The following AP1S3 variants were observed in gnomAD, a reference collection of about 807,000 sequenced individuals.
AP1S3 encodes the protein adaptor related protein complex 1 subunit sigma 3.
A neutral mutation model predicts 20.9 loss-of-function variants in AP1S3; 10 were observed. The observed-to-expected ratio is 0.48, with a 90% CI of 0.29 to 0.81. The LOEUF is 0.81. Among genes scored for constraint, AP1S3 ranks in the 30% least tolerant of loss-of-function variants. The probability of loss-of-function intolerance (pLI) is 0.08; values close to 1 mark genes in which losing one functional copy is unlikely to be tolerated. For synonymous variants in AP1S3, 41 were observed against 61.5 expected (o/e 0.67, Z 1.56); for missense variants, 154 against 183.8 (o/e 0.84, Z 0.94).
chr2:223,835,602 C>A (rs563791544), intron 1 of AP1S3, among the ~76,000 whole-genome samples: 1 of 152,212 alleles, frequency 6.6e-6, no homozygotes, highest in South Asian at 2.1e-4. Flanking sequence ...TTGCAGTGAG[C>A]CAAGATCATG....
At chr2:223,760,582 G>A (rs1690330612) in intron 4 of AP1S3, among the ~76,000 whole-genome samples, 1 of 152,160 alleles carries the variant, frequency 6.6e-6, no homozygotes, top group African/African-American at 2.4e-5. Flanking sequence ...GATGCTGCCC[G>A]TGGGGTCTTT....
chr2:223,794,011 A>G (rs1160044619), intron 1 of AP1S3, among the ~76,000 whole-genome samples: 5 of 152,152 alleles, frequency 3.3e-5, no homozygotes. Context: ...TGTTTTAGTA[A>G]GTTACTACAT....
intron 2 of AP1S3, among the ~76,000 whole-genome samples, chr2:223,776,687 G>A (rs1213952456): frequency 6.6e-6 from 1 of 152,058 alleles, no homozygotes; most frequent in African/African-American, 2.4e-5. Context: ...GTCTCCAAGG[G>A]CAAAATTATG....
chr2:223,774,090 G>A (rs961401372), intron 3 of AP1S3, among the ~76,000 whole-genome samples: 2 of 152,158 alleles, frequency 1.3e-5, no homozygotes, highest in African/African-American at 4.8e-5. Flanking sequence ...GTAGGCTGGA[G>A]GCAGTGGCTC....
chr2:223,763,116 G>A (rs1690398924), intron 4 of AP1S3, among the ~76,000 whole-genome samples: 1 of 152,082 alleles, frequency 6.6e-6, no homozygotes, highest in South Asian at 2.1e-4. Flanking sequence ...TCTGTATTTG[G>A]CAAGTGTTGT....
At chr2:223,777,225 G>A (rs749410524) in intron 2 of AP1S3, among the ~76,000 whole-genome samples, 3 of 152,146 alleles carry the variant, frequency 2.0e-5, no homozygotes, top group Admixed American at 2.0e-4. Context: ...GTGAAACCCC[G>A]TCTCTCTTAA....
intron 1 of AP1S3, among the ~76,000 whole-genome samples, chr2:223,787,367 C>T (rs1691101786): frequency 6.6e-6 from 1 of 152,194 alleles, no homozygotes; most frequent in African/African-American, 2.4e-5. Context: ...TTATAGACAT[C>T]TGCAACACTC....
chr2:223,765,095 T>C lies in AP1S3; in HGVS notation c.429+118A>G, dbSNP rs1690444776. The C allele has an allele frequency of 6.4e-6, 9 of 1,402,648 alleles. No homozygotes were observed. The South Asian group carries it at 1.4e-4, about 21-fold the overall frequency. The allele number at this position is 1,402,648 out of a possible 1,614,324, so 86.9% of individuals were successfully genotyped here. On this transcript the variant is annotated intron_variant, in intron 4 of 4. Transcript: ENST00000396654. ...AATAAGCTAATACATATAAATAGTT[T>C]AGAAACTGTACCCAGCACAGAGTAA...
At chr2:223,780,643 C>T (rs188187467) in intron 1 of AP1S3, among the ~76,000 whole-genome samples, 2 of 151,198 alleles carry the variant, frequency 1.3e-5, no homozygotes, top group East Asian at 4.0e-4. Context: ...GTTGCCCAGA[C>T]TGGTCTCGAA....
intron 1 of AP1S3, among the ~76,000 whole-genome samples, chr2:223,812,956 T>C (rs1438294622): frequency 6.6e-6 from 1 of 151,844 alleles, no homozygotes; most frequent in East Asian, 1.9e-4. Context: ...TGAGATAGAG[T>C]CCTGTTCTGT....
intron 1 of AP1S3, among the ~76,000 whole-genome samples, chr2:223,783,802 C>T (rs561269093): frequency 7.9e-5 from 12 of 152,186 alleles, no homozygotes; most frequent in South Asian, 4.1e-4. Flanking sequence ...CGGACTAGCT[C>T]GTATCTCAGG....
In AP1S3 at chr2:223,811,838, T is replaced by C. The variant is rs561842958; in HGVS notation, c.3+25610A>G. Among the ~76,000 whole-genome samples, 4 of 152,316 alleles carry C rather than the reference T, an allele frequency of 2.6e-5. No individual in the cohort carries two copies. The East Asian group carries it at 5.8e-4, about 22-fold the overall frequency. On this transcript the variant is annotated intron_variant, in intron 1 of 4. Transcript: ENST00000396654. ...CTGCTTATTCTCTGCCTGTTTGCTA[T>C]TGAGCTGATAAAATAATGGCCATAG...
intron 1 of AP1S3, among the ~76,000 whole-genome samples, chr2:223,799,102 A>G (rs1016395737): frequency 1.3e-5 from 2 of 152,138 alleles, no homozygotes; most frequent in African/African-American, 4.8e-5. Context: ...GAGATAAGAA[A>G]TAGACATTGC....
chr2:223,790,647 G>A (rs1048863999), intron 1 of AP1S3, among the ~76,000 whole-genome samples: 3 of 152,056 alleles, frequency 2.0e-5, no homozygotes, highest in African/African-American at 7.2e-5. Context: ...TATATGTCCT[G>A]AAAGATAGTA....
At chr2:223,826,313 G>A (rs1692127027) in intron 1 of AP1S3, among the ~76,000 whole-genome samples, 1 of 113,556 alleles carries the variant, frequency 8.8e-6, no homozygotes, top group Non-Finnish European at 1.9e-5. Context: ...ATAACTTGCG[G>A]CAGGTATGGT....
intron 1 of AP1S3, among the ~76,000 whole-genome samples, chr2:223,821,071 A>T (rs1410580546): frequency 6.6e-6 from 1 of 152,236 alleles, no homozygotes; most frequent in Non-Finnish European, 1.5e-5. Flanking sequence ...TTAGAATGAC[A>T]TCCAAGCTGC....
chr2:223,765,283 C>A lies in AP1S3; in HGVS notation c.359G>T (p.Gly120Val). 1 of 1,614,038 alleles carries A rather than the reference C, an allele frequency of 6.2e-7. No individual in the cohort carries two copies. The highest frequency in any genetic ancestry group is 8.5e-7 in the Non-Finnish European group (1 of 1,180,018). ...CTTGGATGTTTCCTGAATTTCCCCA[C>A]CTATTATAAACTCGTCCAGGATGAA... The part of the protein sequence containing the change: ...AYFILDEFII[G>V]GEIQETSKKI... The change falls in exon 4 of 5, where the codon GGT becomes GTT. Residue 120 changes from glycine (G) to valine (V), a missense_variant. By Grantham distance (109) the Gly-to-Val change is moderately radical (BLOSUM62 -3). Transcript: ENST00000396654.
At chr2:223,818,481 G>A (rs1370750981) in intron 1 of AP1S3, among the ~76,000 whole-genome samples, 1 of 151,860 alleles carries the variant, frequency 6.6e-6, no homozygotes, top group Non-Finnish European at 1.5e-5. Flanking sequence ...GTGTCTGTAG[G>A]CATCCTGGAA....
intron 3 of AP1S3, among the ~76,000 whole-genome samples, chr2:223,772,591 C>T (rs1322492878): frequency 6.6e-6 from 1 of 152,138 alleles, no homozygotes; most frequent in Non-Finnish European, 1.5e-5. Flanking sequence ...GTTAATGCTA[C>T]TTACTGAAGA....
Sources: allele counts gnomAD v4.1 joint callset (sites outside exome capture counted in the v4.1 genomes callset), GRCh38; gene constraint gnomAD v4.1.1; transcripts MANE v1.5; gene names NCBI Gene and HGNC (gene_info 2026-07-23, HGNC 2026-07-21).